PKHD1: variants seen among roughly 807,000 people sequenced by gnomAD.
PKHD1 encodes the protein fibrocystin.
In PKHD1, 291 loss-of-function variants were observed where a neutral mutation model predicts 412.0. The observed-to-expected ratio is 0.71, with a 90% confidence interval of 0.64 to 0.78. The LOEUF is 0.78. Ranked by LOEUF, PKHD1 falls within the 30% of genes least tolerant of loss-of-function variation. The pLI is 0.00. For synonymous variants in PKHD1, 1,777 were observed against 1,821.5 expected, an observed-to-expected ratio of 0.98 and a Z score of 0.62; for missense variants, 4,825 against 4,950.7, an observed-to-expected ratio of 0.97 and a Z score of 0.76.
intron 21 of PKHD1, 42 bp downstream of exon 21, chr6:52,053,034 G>A: frequency 6.3e-7 from 1 of 1,586,706 alleles, no homozygotes; most frequent in Non-Finnish European, 8.7e-7. Flanking sequence ...TTTGAGGTAG[G>A]CATGTGACCG....
chr6:51,665,378 T>C (rs1773568125), intron 60 of PKHD1, among the ~76,000 whole-genome samples: 1 of 152,128 alleles, frequency 6.6e-6, no homozygotes, highest in African/African-American at 2.4e-5. Flanking sequence ...GAAAAATGAT[T>C]TGTATATCAG....
intron 63 of PKHD1, among the ~76,000 whole-genome samples, chr6:51,642,272 ATAAG>A (rs1199563873): frequency 6.6e-6 from 1 of 152,158 alleles, no homozygotes; most frequent in African/African-American, 2.4e-5. Flanking sequence ...GGCATGGAGC[ATAAG>A]TAAGGTACTG....
At chr6:51,698,825 G>A (rs1273601556) in intron 60 of PKHD1, among the ~76,000 whole-genome samples, 2 of 152,214 alleles carry the variant, frequency 1.3e-5, no homozygotes, top group African/African-American at 4.8e-5. Flanking sequence ...GGACAATAAA[G>A]TGATGGGTTT....
chr6:52,056,623 G>A, intron 18 of PKHD1, 75 bp downstream of exon 18: 1 of 1,104,922 alleles, frequency 9.1e-7, no homozygotes. Context: ...AGAGGAAATG[G>A]GGATTGTTCT....
At chr6:51,712,856 T>G (rs1274001864) in intron 60 of PKHD1, among the ~76,000 whole-genome samples, 1 of 152,204 alleles carries the variant, frequency 6.6e-6, no homozygotes, top group African/African-American at 2.4e-5. Context: ...ATGTGAAATG[T>G]TTGATATGTG....
intron 11 of PKHD1, 90 bp from the exon 12 acceptor site, chr6:52,066,167 A>G: frequency 3.1e-6 from 2 of 654,158 alleles, no homozygotes; most frequent in Non-Finnish European, 5.4e-6. Context: ...AGATATTAAT[A>G]ATTTCTTACT....
chr6:51,746,322 G>T (rs932623980), intron 59 of PKHD1, among the ~76,000 whole-genome samples: 1 of 152,266 alleles, frequency 6.6e-6, no homozygotes, highest in African/African-American at 2.4e-5. Flanking sequence ...CTCCAATGAA[G>T]AATGAAGAAT....
At chr6:51,827,739 T>C (rs1767557669) in intron 52 of PKHD1, among the ~76,000 whole-genome samples, 1 of 152,136 alleles carries the variant, frequency 6.6e-6, no homozygotes, top group South Asian at 2.1e-4. Context: ...CCCTGGCTGG[T>C]CACAGTTGTA....
intron 60 of PKHD1, among the ~76,000 whole-genome samples, chr6:51,661,522 T>C (rs1772869238): frequency 6.6e-6 from 1 of 151,880 alleles, no homozygotes; most frequent in Non-Finnish European, 1.5e-5. Context: ...TATTTTTCCC[T>C]AAACATAAAA....
intron 35 of PKHD1, among the ~76,000 whole-genome samples, chr6:51,978,688 T>C (rs1020598539): frequency 2.6e-5 from 4 of 152,168 alleles, no homozygotes; most frequent in African/African-American, 9.7e-5. Context: ...AGAATACAAG[T>C]AGGGATCAGC....
intron 52 of PKHD1, among the ~76,000 whole-genome samples, chr6:51,812,637 G>A (rs9370063): frequency 8.5e-5 from 13 of 152,178 alleles, no homozygotes; most frequent in African/African-American, 3.1e-4. Flanking sequence ...GTATTTTACC[G>A]CAAAATATAT....
At position 52,024,994 on chromosome 6, in the gene PKHD1, C is replaced by T. The variant is rs778176331; in HGVS notation, c.4816G>A (p.Val1606Ile). 6.2e-7 allele frequency: 1 copy of T among 1,614,238 alleles called. No individual in the cohort carries two copies. Among genetic ancestry groups the T allele is most frequent in the Non-Finnish European group, 8.5e-7 (1 of 1,180,042 alleles). ...AGGCAGGTCTGCTGGTCAATATAGA[C>T]TGACGTGGTGTTCTGTCCTCTCAGG... ...TGLRGQNTTS[V>I]YIDQQTCLTV... The change falls in exon 32 of 67, where the codon GTC (valine) becomes ATC (isoleucine). Residue 1606 changes from valine to isoleucine, a missense_variant. By Grantham distance (29) the Val-to-Ile change is conservative. Coordinates refer to ENST00000371117, the MANE Select transcript of PKHD1 (RefSeq NM_138694.4).
At chr6:51,830,075 T>G (rs754196515) in intron 52 of PKHD1, among the ~76,000 whole-genome samples, 1 of 152,206 alleles carries the variant, frequency 6.6e-6, no homozygotes, top group Non-Finnish European at 1.5e-5. Context: ...ATCATTATTA[T>G]TACTTCACAG....
chr6:51,914,826 C>T (rs1286518648), intron 37 of PKHD1, among the ~76,000 whole-genome samples: 3 of 152,176 alleles, frequency 2.0e-5, no homozygotes, highest in East Asian at 1.9e-4. Flanking sequence ...TTGTCAATTT[C>T]GTCCTTTCCG....
chr6:52,069,523 T>C lies in PKHD1; in HGVS notation c.712A>G (p.Met238Val), dbSNP rs760274684. ...SFSVFNKGKS[M>V]VHKKAWLISA... Reference sequence around the variant, plus strand: ...ATCAGCCATGCCTTCTTGTGGACCATTGACCTTCGAAAAAGACAAAGTTCT... The same window carrying C: ...ATCAGCCATGCCTTCTTGTGGACCACTGACCTTCGAAAAAGACAAAGTTCT... The change falls in exon 11 of 67, where the codon ATG becomes GTG. Residue 238 changes from methionine to valine, a missense_variant. Met to Val is a conservative substitution (Grantham distance 21). Transcript: ENST00000371117. The C allele has an allele frequency of 3.2e-5, 52 of 1,612,480 alleles. No homozygotes were observed. Among genetic ancestry groups the C allele is most frequent in the Middle Eastern group, 3.3e-4 (2 of 6,078 alleles).
intron 60 of PKHD1, among the ~76,000 whole-genome samples, chr6:51,733,550 A>AT (rs397766879): frequency 6.6e-6 from 1 of 151,110 alleles, no homozygotes; most frequent in African/African-American, 2.4e-5. Context: ...AAAAAAAAAA[A>AT]TGGTTAAGAT....
chr6:51,782,999 A>G (rs1792275879), intron 53 of PKHD1, among the ~76,000 whole-genome samples: 1 of 152,224 alleles, frequency 6.6e-6, no homozygotes, highest in Admixed American at 6.6e-5. Flanking sequence ...AGAAACTTCC[A>G]TATACCTAGT....
At chr6:52,074,102 C>T (rs1481610718) in intron 6 of PKHD1, among the ~76,000 whole-genome samples, 2 of 152,092 alleles carry the variant, frequency 1.3e-5, no homozygotes, top group Non-Finnish European at 2.9e-5. Context: ...CCATCACAGA[C>T]AATGTTTAGA....
intron 14 of PKHD1, 49 bp downstream of exon 14, chr6:52,062,470 G>T (rs1808816878): frequency 1.2e-6 from 2 of 1,604,610 alleles, no homozygotes; most frequent in African/African-American, 2.7e-5. Context: ...CCTCACCTAG[G>T]TTAGCAAAGG....
Sources: gnomAD v4.1 joint callset for allele counts (sites outside exome capture counted in the v4.1 genomes callset) on GRCh38, gnomAD v4.1.1 for gene constraint, MANE v1.5 for transcripts, NCBI Gene and HGNC (gene_info 2026-07-23, HGNC 2026-07-21) for gene names.